The following PTPN2 variants were observed in gnomAD, a reference collection of about 807,000 sequenced individuals.
PTPN2 encodes tyrosine-protein phosphatase non-receptor type 2.
A neutral mutation model predicts 57.3 loss-of-function variants in PTPN2; 19 were observed. That is an observed-to-expected ratio of 0.33 (90% confidence interval 0.23 to 0.49). The LOEUF is 0.49. PTPN2 is among the 20% of genes least tolerant of loss of function. The pLI is 0.99. For missense variants in PTPN2, 358 were observed against 501.1 expected (o/e 0.71, Z 2.73); for synonymous variants, 153 against 164.9 (o/e 0.93, Z 0.55).
At chr18:12,797,346 C>G (rs567201445) in intron 8 of PTPN2, among the ~76,000 whole-genome samples, 1 of 151,940 alleles carries the variant, frequency 6.6e-6, no homozygotes, top group Non-Finnish European at 1.5e-5. Flanking sequence ...ATTTACCATA[C>G]AAGCCCAATA....
intron 7 of PTPN2, among the ~76,000 whole-genome samples, chr18:12,803,815 A>G (rs575154078): frequency 2.7e-4 from 41 of 152,292 alleles, no homozygotes; most frequent in African/African-American, 7.9e-4. Flanking sequence ...CAATGGACAG[A>G]TCATCCAGAC....
intron 2 of PTPN2, among the ~76,000 whole-genome samples, chr18:12,839,322 C>G (rs1029919259): frequency 2.6e-5 from 4 of 152,214 alleles, no homozygotes; most frequent in Admixed American, 1.3e-4. Flanking sequence ...TACTATCAGT[C>G]AGCCCCAAAT....
At chr18:12,858,771 TG>T (rs1429206275) in intron 2 of PTPN2, among the ~76,000 whole-genome samples, 2 of 152,160 alleles carry the variant, frequency 1.3e-5, no homozygotes, top group Non-Finnish European at 2.9e-5. Context: ...TCTTATAACT[TG>T]GGGAAGGAAA....
At chr18:12,848,260 T>G (rs2043279873) in intron 2 of PTPN2, among the ~76,000 whole-genome samples, 2 of 152,232 alleles carry the variant, frequency 1.3e-5, no homozygotes, top group Non-Finnish European at 2.9e-5. Context: ...TCTAAGACTA[T>G]CAAAATGTTT....
intron 5 of PTPN2, among the ~76,000 whole-genome samples, chr18:12,824,769 G>A (rs1271508290): frequency 6.6e-6 from 1 of 152,158 alleles, no homozygotes; most frequent in African/African-American, 2.4e-5. Flanking sequence ...CCAAGGAACA[G>A]TTCATATGTT....
At chr18:12,849,893 C>G (rs2043336729) in intron 2 of PTPN2, among the ~76,000 whole-genome samples, 1 of 152,044 alleles carries the variant, frequency 6.6e-6, no homozygotes, top group African/African-American at 2.4e-5. Context: ...ATATTTACTG[C>G]CATAAAATTG....
intron 2 of PTPN2, among the ~76,000 whole-genome samples, chr18:12,853,008 A>G (rs1334014548): frequency 2.6e-5 from 4 of 152,214 alleles, no homozygotes; most frequent in African/African-American, 9.7e-5. Flanking sequence ...ATATCTTACA[A>G]TATCTGTAAC....
At chr18:12,816,389 A>G (rs1324083059) in intron 6 of PTPN2, among the ~76,000 whole-genome samples, 1 of 152,210 alleles carries the variant, frequency 6.6e-6, no homozygotes, top group Non-Finnish European at 1.5e-5. Flanking sequence ...CACGCTCAGA[A>G]AGCAGAAACT....
chr18:12,809,944 G>A (rs901532611), intron 7 of PTPN2, among the ~76,000 whole-genome samples: 3 of 152,192 alleles, frequency 2.0e-5, no homozygotes, highest in Non-Finnish European at 2.9e-5. Flanking sequence ...CACTTTGGGA[G>A]GCTGAGGTGG....
chr18:12,815,019 G>A (rs925757730), intron 6 of PTPN2, among the ~76,000 whole-genome samples: 6 of 151,818 alleles, frequency 4.0e-5, no homozygotes, highest in Admixed American at 2.0e-4. Flanking sequence ...AGGAGGCGGC[G>A]GTTGCAGTGA....
intron 7 of PTPN2, among the ~76,000 whole-genome samples, chr18:12,807,586 A>AAAAAAAAATATATATAT: frequency 5.7e-5 from 2 of 35,196 alleles, no homozygotes; most frequent in East Asian, 2.8e-3. Flanking sequence ...AAAAAAAAAA[A>AAAAAAAAATATATATAT]ATATATATAT....
intron 1 of PTPN2, 31 bp downstream of exon 1, chr18:12,884,042 T>C (rs2044770949): frequency 6.5e-6 from 10 of 1,539,900 alleles, no homozygotes; most frequent in Non-Finnish European, 7.0e-6. Flanking sequence ...TCGGAGGAGG[T>C]CGGCGACTGC....
chr18:12,837,178 A>G (rs771555640), intron 2 of PTPN2, among the ~76,000 whole-genome samples: 3 of 152,180 alleles, frequency 2.0e-5, no homozygotes, highest in Non-Finnish European at 4.4e-5. Context: ...TAAATGAATA[A>G]AGTACTTACC....
chr18:12,882,403 G>C (rs368161083), intron 1 of PTPN2, among the ~76,000 whole-genome samples: 1 of 152,170 alleles, frequency 6.6e-6, no homozygotes, highest in East Asian at 1.9e-4. Context: ...CATTTTTCTG[G>C]AAAGAGGAAT....
intron 3 of PTPN2, among the ~76,000 whole-genome samples, chr18:12,831,926 T>G (rs546391673): frequency 1.4e-3 from 218 of 152,298 alleles, no homozygotes; most frequent in African/African-American, 4.7e-3. Flanking sequence ...ATGTACAAAT[T>G]TTAACGAGTT....
intron 7 of PTPN2, among the ~76,000 whole-genome samples, chr18:12,812,397 C>T (rs974478692): frequency 5.3e-5 from 8 of 152,244 alleles, no homozygotes; most frequent in Middle Eastern, 3.4e-3. Flanking sequence ...GTCAGGAGTT[C>T]GAGACCAGCC....
At chr18:12,807,568 G>GGAAAAAAAAAAAAAAAAAA (rs1491298104) in intron 7 of PTPN2, among the ~76,000 whole-genome samples, 2 of 41,198 alleles carry the variant, frequency 4.9e-5, no homozygotes, top group Admixed American at 5.2e-4. Flanking sequence ...AGAAAATGTG[G>GGAAAAAAAAAAAAAAAAAA]AAAAAAAAAA....
intron 1 of PTPN2, among the ~76,000 whole-genome samples, chr18:12,880,999 T>C (rs1399780189): frequency 2.0e-5 from 3 of 152,300 alleles, no homozygotes; most frequent in South Asian, 2.1e-4. Context: ...CAAATCTGTA[T>C]CTCCCCTCCA....
chr18:12,850,625 G>A (rs1568145546), intron 2 of PTPN2, among the ~76,000 whole-genome samples: 1 of 151,806 alleles, frequency 6.6e-6, no homozygotes, highest in Non-Finnish European at 1.5e-5. Flanking sequence ...TTATAATTTT[G>A]TCTTGACCCA....
Sources: gnomAD v4.1 joint callset for allele counts (sites outside exome capture counted in the v4.1 genomes callset) on GRCh38, gnomAD v4.1.1 for gene constraint, MANE v1.5 for transcripts, NCBI Gene and HGNC (gene_info 2026-07-23, HGNC 2026-07-21) for gene names.